The following THAP9 variants were observed in gnomAD, a reference collection of about 807,000 sequenced individuals.
THAP9 encodes the protein DNA transposase THAP9.
THAP9 carries 20 observed loss-of-function variants against 35.7 expected under a neutral mutation model. The observed-to-expected ratio is 0.56, with a 90% CI of 0.39 to 0.81. The LOEUF (loss-of-function observed/expected upper bound fraction) is 0.81. Ranked by LOEUF, THAP9 falls within the 40% of genes least tolerant of loss-of-function variation. The probability of loss-of-function intolerance (pLI) is 0.00; values close to 1 mark genes in which losing one functional copy is unlikely to be tolerated. For synonymous variants in THAP9, 335 were observed against 373.7 expected, an observed-to-expected ratio of 0.90 and a Z score of 1.19; for missense variants, 870 against 1,047.4, an observed-to-expected ratio of 0.83 and a Z score of 2.34.
At chr4:82,903,065 A>G (rs1720491803) in intron 1 of THAP9, among the ~76,000 whole-genome samples, 1 of 152,240 alleles carries the variant, frequency 6.6e-6, no homozygotes, top group Admixed American at 6.5e-5. Flanking sequence ...GAGAAATAAA[A>G]TTTATACCAA....
chr4:82,911,373 C>T (rs561195113), intron 4 of THAP9, among the ~76,000 whole-genome samples: 2 of 151,764 alleles, frequency 1.3e-5, no homozygotes, highest in South Asian at 2.1e-4. Flanking sequence ...GGACGGACCA[C>T]GAGGTCAGGA....
rs1267781392 is a variant in THAP9, at chr4:82,910,025, G to T, written c.731+2090G>T. 2.6e-5 allele frequency: 4 copies of T among 151,898 alleles called. No homozygotes were observed. In the South Asian group the frequency reaches 6.2e-4, roughly 24 times the overall value. 9.4% of individuals were successfully genotyped at this position (151,898 alleles called of 1,614,324 possible). ...ACTGGTTTTAAAGCATTACTTAATG[G>T]TATTTCACTATGGTTTATATAAGAG... is the stretch of plus-strand genomic sequence containing the variant. On this transcript the variant is annotated intron_variant, in intron 4 of 4. Coordinates refer to ENST00000302236, the MANE Select transcript of THAP9 (RefSeq NM_024672.6).
intron 4 of THAP9, among the ~76,000 whole-genome samples, chr4:82,912,236 T>C (rs756864051): frequency 6.3e-4 from 96 of 152,218 alleles, no homozygotes; most frequent in Non-Finnish European, 1.0e-3. Flanking sequence ...ATAATAGTGA[T>C]ATATTTAGTG....
intron 1 of THAP9, among the ~76,000 whole-genome samples, chr4:82,903,787 G>A (rs964502647): frequency 3.9e-5 from 6 of 152,190 alleles, no homozygotes; most frequent in Non-Finnish European, 8.8e-5. Context: ...TCTGAAGGCT[G>A]AAGTCACCTG....
intron 1 of THAP9, among the ~76,000 whole-genome samples, chr4:82,902,090 C>T (rs751366427): frequency 6.7e-6 from 1 of 149,250 alleles, no homozygotes; most frequent in African/African-American, 2.5e-5. Context: ...TACAATATTT[C>T]CCAACATTTT....
intron 1 of THAP9, among the ~76,000 whole-genome samples, chr4:82,901,638 C>T (rs1197983681): frequency 1.3e-5 from 2 of 151,736 alleles, no homozygotes; most frequent in Non-Finnish European, 2.9e-5. Context: ...ACCTGAGAAA[C>T]CATTTTAAAA....
chr4:82,918,235 C>G lies in THAP9; in HGVS notation c.2023C>G (p.Gln675Glu). The G allele has an allele frequency of 6.2e-7, 1 of 1,614,168 alleles. No individual in the cohort carries two copies. The highest frequency in any genetic ancestry group is 8.5e-7 in the Non-Finnish European group (1 of 1,180,014). ...RRKDLALWTV[Q>E]RQYGVSVTKT... is the part of the protein sequence containing the mutation. ...GAAAGACTTGGCGCTTTGGACAGTTCAACGTCAGTATGGTGTCAGCGTTAC... is the reference window on the plus strand; with the variant it reads ...GAAAGACTTGGCGCTTTGGACAGTTGAACGTCAGTATGGTGTCAGCGTTAC... The change falls in exon 5 of 5, where the codon CAA becomes GAA. Residue 675 changes from glutamine to glutamate, a missense_variant. Gln to Glu is a conservative substitution (Grantham distance 29, BLOSUM62 2). This residue lies in a region of THAP9 where 414 missense variants were observed against 500.8 expected (regional missense o/e 0.83). Coordinates refer to ENST00000302236, the MANE Select transcript of THAP9 (RefSeq NM_024672.6).
chr4:82,911,769 A>G (rs1414876989), intron 4 of THAP9, among the ~76,000 whole-genome samples: 1 of 152,192 alleles, frequency 6.6e-6, no homozygotes, highest in African/African-American at 2.4e-5. Flanking sequence ...ATTAACTGAG[A>G]GTTGAGGAGG....
chr4:82,915,730 T>C (rs1024085116), intron 4 of THAP9, among the ~76,000 whole-genome samples: 1 of 152,146 alleles, frequency 6.6e-6, no homozygotes, highest in East Asian at 1.9e-4. Flanking sequence ...CCAAAATCCA[T>C]GTATATACAA....
intron 3 of THAP9, 61 bp from the exon 4 acceptor site, chr4:82,907,724 A>G (rs533456083): frequency 2.3e-6 from 3 of 1,285,532 alleles, no homozygotes; most frequent in East Asian, 2.5e-5. Context: ...TCCAAATGCT[A>G]TAATCTGTAC....
At chr4:82,905,766 G>C (rs1720620185) in intron 2 of THAP9, 1 of 418,796 alleles carries the variant, frequency 2.4e-6, no homozygotes, top group Admixed American at 2.8e-5. Context: ...CATGTGTTGA[G>C]AGCTACAATG....
chr4:82,904,704 A>T (rs981547082), intron 1 of THAP9, 32 bp from the exon 2 acceptor site: 8 of 1,600,014 alleles, frequency 5.0e-6, no homozygotes, highest in Non-Finnish European at 6.0e-6. Context: ...TAATGTTTTC[A>T]TGTTAATGGA....
intron 1 of THAP9, among the ~76,000 whole-genome samples, chr4:82,901,560 A>G (rs1315584323): frequency 6.6e-6 from 1 of 152,124 alleles, no homozygotes; most frequent in African/African-American, 2.4e-5. Flanking sequence ...GGGTAGGAAG[A>G]GGGTAGTTAG....
At chr4:82,902,509 A>G (rs1720466341) in intron 1 of THAP9, among the ~76,000 whole-genome samples, 1 of 152,198 alleles carries the variant, frequency 6.6e-6, no homozygotes, top group African/African-American at 2.4e-5. Context: ...AGCTGTACTC[A>G]CTAGGCATAC....
chr4:82,912,971 A>G (rs1245205147), intron 4 of THAP9, among the ~76,000 whole-genome samples: 1 of 152,228 alleles, frequency 6.6e-6, no homozygotes, highest in Non-Finnish European at 1.5e-5. Context: ...TTCAGTATAC[A>G]ATTTTGAAAA....
At position 82,918,832 on chromosome 4, in the gene THAP9, T is replaced by C. The variant is rs1578459745; in HGVS notation, c.2620T>C (p.Ser874Pro). 5.0e-6 allele frequency: 8 copies of C among 1,613,610 alleles called. No homozygotes were observed. In the East Asian group the frequency reaches 1.8e-4, roughly 36 times the overall value. The change falls in exon 5 of 5, where the codon TCA (serine) becomes CCA (proline). Residue 874 changes from serine (S) to proline (P), a missense_variant. Coordinates refer to ENST00000302236, the MANE Select transcript of THAP9 (RefSeq NM_024672.6). ...DMKTLSRKHW[S>P]SVQDYKCSSF... is the part of the protein sequence containing the mutation. ...GAAAACTTTATCAAGGAAACACTGG[T>C]CATCTGTACAGGATTATAAATGTTC...
At position 82,909,408 on chromosome 4, in the gene THAP9, A is replaced by G. The variant is rs138516653; in HGVS notation, c.731+1473A>G. The stretch of plus-strand genomic sequence containing the variant: ...ATATAAATAATTACTGTTAACATTT[A>G]GAGTATTTCCTTCCTGTGTGTGTGT... On this transcript the variant is annotated intron_variant, in intron 4 of 4. Transcript: ENST00000302236. Among the ~76,000 whole-genome samples the G allele has an allele frequency of 3.3e-3, 450 of 137,284 alleles. 4 individuals are homozygous for G. The highest frequency in any genetic ancestry group is 0.013 in the African/African-American group (419 of 33,216). 90.1% of individuals were successfully genotyped at this position (137,284 alleles called of 152,430 possible).
In THAP9 at chr4:82,908,038, T is replaced by C. The variant is rs945992547; in HGVS notation, c.731+103T>C. Reference sequence around the variant, plus strand: ...TTAGATGTTAAACCATATTATTCTTTTGTTGCATTTTACTTATTAAGGCTA... The same window carrying C: ...TTAGATGTTAAACCATATTATTCTTCTGTTGCATTTTACTTATTAAGGCTA... On this transcript the variant is annotated intron_variant, in intron 4 of 4. Coordinates refer to ENST00000302236, the MANE Select transcript of THAP9 (RefSeq NM_024672.6). The C allele has an allele frequency of 4.9e-6, 6 of 1,225,216 alleles. No homozygotes were observed. In the African/African-American group the frequency reaches 7.8e-5, roughly 16 times the overall value. The allele number at this position is 1,225,216 out of a possible 1,614,324, so 75.9% of individuals were successfully genotyped here.
At chr4:82,907,962 A>C in intron 4 of THAP9, 27 bp downstream of exon 4, 1 of 1,600,986 alleles carries the variant, frequency 6.2e-7, no homozygotes, top group Admixed American at 1.7e-5. Flanking sequence ...TTTATTTTTT[A>C]AAAGTGACTT....
Sources: allele counts gnomAD v4.1 joint callset (sites outside exome capture counted in the v4.1 genomes callset), GRCh38; gene constraint gnomAD v4.1.1; regional missense constraint gnomAD v4.1.1; transcripts MANE v1.5; gene names NCBI Gene and HGNC (gene_info 2026-07-23, HGNC 2026-07-21).